The following MYO1D variants were observed in gnomAD, a reference collection of about 807,000 sequenced individuals.
MYO1D encodes myosin ID, also known as unconventional myosin-Id.
Under a neutral mutation model 122.0 loss-of-function variants are expected in MYO1D, and 83 were observed. That is an observed-to-expected ratio of 0.68 (90% CI 0.57 to 0.82). The LOEUF is 0.82. Ranked by LOEUF, MYO1D falls within the 40% of genes least tolerant of loss-of-function variation. The probability of loss-of-function intolerance (pLI) is 0.00; values close to 1 mark genes in which losing one functional copy is unlikely to be tolerated. For synonymous variants in MYO1D, 464 were observed against 446.9 expected (o/e 1.04, Z -0.48); for missense variants, 1,157 against 1,269.5 (o/e 0.91, Z 1.35).
intron 21 of MYO1D, chr17:32,505,726 A>G (rs983571807): frequency 6.6e-6 from 1 of 152,276 alleles, no homozygotes; most frequent in Non-Finnish European, 1.5e-5. Context: ...TCTTGAAAAA[A>G]GCAAATCCAC....
chr17:32,763,857 T>G (rs767640743), intron 8 of MYO1D, among the ~76,000 whole-genome samples: 1 of 152,046 alleles, frequency 6.6e-6, no homozygotes, highest in Admixed American at 6.6e-5. Flanking sequence ...GAGGTGGAGG[T>G]TGCAGTGAGC....
chr17:32,750,075 T>A (rs2089882909), intron 11 of MYO1D, among the ~76,000 whole-genome samples: 1 of 152,244 alleles, frequency 6.6e-6, no homozygotes, highest in Admixed American at 6.5e-5. Flanking sequence ...CTGGCTCATC[T>A]GTCTGCTAAG....
intron 21 of MYO1D, among the ~76,000 whole-genome samples, chr17:32,590,456 G>A (rs1331425268): frequency 1.3e-5 from 2 of 152,146 alleles, no homozygotes; most frequent in African/African-American, 4.8e-5. Flanking sequence ...TACATACCAG[G>A]CAGTATAATG....
chr17:32,659,962 T>A (rs1238199049), intron 16 of MYO1D, among the ~76,000 whole-genome samples: 1 of 152,198 alleles, frequency 6.6e-6, no homozygotes, highest in African/African-American at 2.4e-5. Context: ...AATGCCAACT[T>A]CATCCAAGCA....
chr17:32,644,743 C>T (rs189382384), intron 19 of MYO1D, among the ~76,000 whole-genome samples: 19,620 of 151,964 alleles, frequency 0.13, 1,711 homozygotes, highest in Middle Eastern at 0.23. Flanking sequence ...CAACCCCTGC[C>T]TTTTTTTGTT....
At chr17:32,544,358 C>T (rs1415688781) in intron 21 of MYO1D, among the ~76,000 whole-genome samples, 1 of 152,166 alleles carries the variant, frequency 6.6e-6, no homozygotes, top group Non-Finnish European at 1.5e-5. Context: ...GTCTTGGCCT[C>T]CCAAAGTGCT....
rs552190054 is a variant in MYO1D at position 32,538,146 on chromosome 17, A to G, written c.2865-43231T>C. On this transcript the variant is annotated intron_variant, in intron 21 of 21. Coordinates refer to ENST00000318217, the MANE Select transcript of MYO1D (RefSeq NM_015194.3). ...GGAATAGAAAATAATGGTGCATCTT[A>G]TAGTAGATGGCATCTTAGATTTGAT... Among the ~76,000 whole-genome samples the G allele has an allele frequency of 2.6e-5, 4 of 152,298 alleles. No homozygotes were observed. In the South Asian group the frequency reaches 8.3e-4, roughly 32 times the overall value.
intron 21 of MYO1D, among the ~76,000 whole-genome samples, chr17:32,515,085 A>T (rs1397120958): frequency 6.6e-6 from 1 of 152,182 alleles, no homozygotes; most frequent in African/African-American, 2.4e-5. Context: ...TAAGTGCCCC[A>T]TTAATGTTTG....
At chr17:32,525,563 A>T (rs1357411764) in intron 21 of MYO1D, among the ~76,000 whole-genome samples, 1 of 152,086 alleles carries the variant, frequency 6.6e-6, no homozygotes, top group East Asian at 1.9e-4. Flanking sequence ...GGACAGTTCC[A>T]GAACCCTGCT....
At chr17:32,556,420 T>C (rs1597895533) in intron 21 of MYO1D, among the ~76,000 whole-genome samples, 1 of 152,158 alleles carries the variant, frequency 6.6e-6, no homozygotes, top group East Asian at 1.9e-4. Flanking sequence ...GGGCTCGAAG[T>C]GGGTGGAGGA....
chr17:32,504,377 C>T lies in MYO1D; in HGVS notation c.2865-9462G>A, dbSNP rs561687205. On this transcript the variant is annotated intron_variant, in intron 21 of 21. Coordinates refer to ENST00000318217, the MANE Select transcript of MYO1D (RefSeq NM_015194.3). ...GTTCTCTTTGCAGTGACTCATGGAG[C>T]GCCCAGGGTGGAAGGGGCACTGTCC... is the stretch of plus-strand genomic sequence containing the variant. Among the ~76,000 whole-genome samples the T allele has an allele frequency of 3.4e-4, 52 of 152,318 alleles. No homozygotes were observed. The South Asian group carries it at 6.2e-3, about 18-fold the overall frequency.
chr17:32,855,830 G>A (rs749404077), intron 1 of MYO1D, among the ~76,000 whole-genome samples: 21 of 152,286 alleles, frequency 1.4e-4, no homozygotes, highest in Non-Finnish European at 2.8e-4. Flanking sequence ...TCTCTGGAAC[G>A]CACAGCACAG....
chr17:32,862,094 C>T (rs1420634066), intron 1 of MYO1D, among the ~76,000 whole-genome samples: 2 of 152,172 alleles, frequency 1.3e-5, no homozygotes, highest in Non-Finnish European at 2.9e-5. Flanking sequence ...CGCTCCCCAC[C>T]TCTCCCCCAA....
At chr17:32,872,395 C>A (rs1420120656) in intron 1 of MYO1D, among the ~76,000 whole-genome samples, 1 of 151,940 alleles carries the variant, frequency 6.6e-6, no homozygotes, top group Non-Finnish European at 1.5e-5. Context: ...GCCTCAGCCT[C>A]CCAAGTAGCT....
intron 16 of MYO1D, among the ~76,000 whole-genome samples, chr17:32,697,601 A>G (rs531374216): frequency 1.3e-5 from 2 of 152,158 alleles, no homozygotes; most frequent in Admixed American, 1.3e-4. Context: ...CTTTTTCCAA[A>G]ACAAACAAAA....
intron 16 of MYO1D, among the ~76,000 whole-genome samples, chr17:32,688,014 C>CA (rs2089042381): frequency 6.6e-6 from 1 of 152,094 alleles, no homozygotes; most frequent in Non-Finnish European, 1.5e-5. Context: ...TTAAAGACTA[C>CA]AAAAAATACA....
intron 21 of MYO1D, among the ~76,000 whole-genome samples, chr17:32,589,279 G>A (rs900491553): frequency 6.6e-6 from 1 of 152,152 alleles, no homozygotes; most frequent in Non-Finnish European, 1.5e-5. Flanking sequence ...TATGCTCTAC[G>A]CTGTTCTCTC....
intron 16 of MYO1D, among the ~76,000 whole-genome samples, chr17:32,691,404 C>CTTTTTT (rs57902806): frequency 4.5e-5 from 5 of 110,426 alleles, no homozygotes; most frequent in Admixed American, 9.8e-5. Flanking sequence ...AAAGAAAATT[C>CTTTTTT]TTTTTTTTTT....
chr17:32,755,010 A>C (rs1055961358), intron 11 of MYO1D, among the ~76,000 whole-genome samples: 3 of 152,238 alleles, frequency 2.0e-5, no homozygotes, highest in African/African-American at 7.2e-5. Context: ...TAATAACTAG[A>C]ATTACAACTA....
Sources: allele counts gnomAD v4.1 joint callset (sites outside exome capture counted in the v4.1 genomes callset), GRCh38; gene constraint gnomAD v4.1.1; transcripts MANE v1.5; gene names NCBI Gene and HGNC (gene_info 2026-07-23, HGNC 2026-07-21).